The following ADARB2 variants were observed in gnomAD, a reference collection of about 807,000 sequenced individuals.
The protein encoded by ADARB2 is adenosine deaminase RNA specific B2 (inactive).
Under a neutral mutation model 62.2 loss-of-function variants are expected in ADARB2, and 25 were observed. The ratio of observed to expected loss-of-function variants is 0.40; its 90% confidence interval spans 0.29 to 0.56. The LOEUF is 0.56. ADARB2 is among the 20% of genes least tolerant of loss of function. The pLI is 0.43. For missense variants in ADARB2, 1,071 were observed against 1,077.4 expected, an observed-to-expected ratio of 0.99 and a Z score of 0.08; for synonymous variants, 572 against 500.8, an observed-to-expected ratio of 1.14 and a Z score of -1.90.
intron 1 of ADARB2, among the ~76,000 whole-genome samples, chr10:1,489,058 A>G (rs12777506): frequency 6.6e-6 from 1 of 152,256 alleles, no homozygotes; most frequent in Non-Finnish European, 1.5e-5. Context: ...CGCACCTCGG[A>G]TCAGTGAGGC....
At chr10:1,561,988 A>G (rs1588303594) in intron 1 of ADARB2, among the ~76,000 whole-genome samples, 1 of 152,016 alleles carries the variant, frequency 6.6e-6, no homozygotes, top group South Asian at 2.1e-4. Flanking sequence ...AACTGCAGTC[A>G]CCTCTGGGTG....
chr10:1,331,852 C>T (rs574897995), intron 3 of ADARB2, among the ~76,000 whole-genome samples: 7 of 152,308 alleles, frequency 4.6e-5, no homozygotes, highest in East Asian at 1.9e-4. Flanking sequence ...GACTTTAACA[C>T]ACTACACTAG....
chr10:1,346,749 C>T (rs988951569), intron 3 of ADARB2, among the ~76,000 whole-genome samples: 11 of 152,240 alleles, frequency 7.2e-5, no homozygotes, highest in Non-Finnish European at 1.2e-4. Context: ...GGAGCCAGGC[C>T]CATGTCAGGC....
At chr10:1,242,013 C>A in intron 5 of ADARB2, 118 bp downstream of exon 5, 1 of 1,124,560 alleles carries the variant, frequency 8.9e-7, no homozygotes, top group Non-Finnish European at 1.2e-6. Context: ...CTTTCTGGCT[C>A]ACCCTGTGCC....
At chr10:1,284,931 T>G (rs1158375893) in intron 3 of ADARB2, among the ~76,000 whole-genome samples, 1 of 151,944 alleles carries the variant, frequency 6.6e-6, no homozygotes, top group East Asian at 1.9e-4. Context: ...CCAGACAATA[T>G]CAGGAAGGCA....
In ADARB2 at chr10:1,623,080, C is replaced by A. The variant is rs571158024; in HGVS notation, c.100+113971G>T. ...AGCAGGAGTTGGAAGGAAGACGTGA[C>A]GTATGGCATGATTCTATTTATACAA... On this transcript the variant is annotated intron_variant, in intron 1 of 9. Transcript: ENST00000381312. 6.6e-5 allele frequency among the ~76,000 whole-genome samples: 10 copies of A among 152,208 alleles called. No individual in the cohort carries two copies. In the South Asian group the frequency reaches 1.5e-3, roughly 22 times the overall value.
chr10:1,462,499 C>T (rs148084993), intron 1 of ADARB2, among the ~76,000 whole-genome samples: 5 of 152,194 alleles, frequency 3.3e-5, no homozygotes, highest in East Asian at 1.9e-4. Context: ...CCAGTTAGGG[C>T]GTGTGCATGA....
chr10:1,670,081 G>C (rs1204689036), intron 1 of ADARB2, among the ~76,000 whole-genome samples: 3 of 152,192 alleles, frequency 2.0e-5, no homozygotes, highest in Non-Finnish European at 4.4e-5. Context: ...AAGCCTCCCA[G>C]GTTCCTAGGG....
intron 1 of ADARB2, among the ~76,000 whole-genome samples, chr10:1,414,191 G>A (rs890581111): frequency 4.6e-5 from 7 of 152,214 alleles, no homozygotes; most frequent in African/African-American, 1.7e-4. Context: ...CTTGATGGGG[G>A]GAATACAGTA....
intron 1 of ADARB2, among the ~76,000 whole-genome samples, chr10:1,608,282 C>T (rs902650910): frequency 2.0e-5 from 3 of 152,156 alleles, no homozygotes; most frequent in Non-Finnish European, 4.4e-5. Context: ...TTATGCTCAC[C>T]GGGTCCCTCA....
chr10:1,581,826 A>ATATG (rs1476058786), intron 1 of ADARB2, among the ~76,000 whole-genome samples: 88 of 148,498 alleles, frequency 5.9e-4, no homozygotes, highest in African/African-American at 5.8e-4. Flanking sequence ...TTAGAAATAG[A>ATATG]TGTGTGTGTG....
intron 3 of ADARB2, among the ~76,000 whole-genome samples, chr10:1,299,535 A>G (rs1162727765): frequency 6.6e-6 from 1 of 151,918 alleles, no homozygotes; most frequent in Non-Finnish European, 1.5e-5. Context: ...GCAAATGAGA[A>G]CTCTGCCCTG....
At chr10:1,654,883 C>T (rs1175936212) in intron 1 of ADARB2, among the ~76,000 whole-genome samples, 4 of 152,242 alleles carry the variant, frequency 2.6e-5, no homozygotes, top group Non-Finnish European at 5.9e-5. Context: ...GCATGCTGGG[C>T]CATGCCAGGC....
intron 1 of ADARB2, among the ~76,000 whole-genome samples, chr10:1,572,004 C>T (rs891481432): frequency 7.2e-6 from 1 of 138,178 alleles, no homozygotes; most frequent in Admixed American, 7.3e-5. Context: ...GGTGAGTGTG[C>T]TGCTGAGTGG....
At chr10:1,193,936 A>G (rs940595390) in intron 8 of ADARB2, among the ~76,000 whole-genome samples, 2 of 152,136 alleles carry the variant, frequency 1.3e-5, no homozygotes. Context: ...TTGGGGTACA[A>G]TGTGCTTTTC....
intron 3 of ADARB2, among the ~76,000 whole-genome samples, chr10:1,315,054 A>G (rs1388145789): frequency 6.6e-6 from 1 of 152,160 alleles, no homozygotes; most frequent in African/African-American, 2.4e-5. Context: ...AGTAGCGTAC[A>G]GTTAAGGGGT....
At chr10:1,279,289 A>C (rs1373235776) in intron 3 of ADARB2, among the ~76,000 whole-genome samples, 1 of 151,708 alleles carries the variant, frequency 6.6e-6, no homozygotes, top group African/African-American at 2.4e-5. Context: ...GAGCAGGACC[A>C]GACTCCATGG....
In ADARB2 at chr10:1,367,702, G is replaced by A. The variant is rs184345372; in HGVS notation, c.188-3785C>T. On this transcript the variant is annotated intron_variant, in intron 2 of 9. Coordinates refer to ENST00000381312, the MANE Select transcript of ADARB2 (RefSeq NM_018702.4). ...TACCAGATTGCATAGAGATTTGCCT[G>A]GTACTCTGTAATTTCTTATTGATTT... Among the ~76,000 whole-genome samples the A allele has an allele frequency of 1.6e-3, 248 of 152,298 alleles. 1 individual carries two copies. Among genetic ancestry groups the A allele is most frequent in the African/African-American group, 5.8e-3 (243 of 41,564 alleles).
At chr10:1,281,561 T>C (rs185978530) in intron 3 of ADARB2, among the ~76,000 whole-genome samples, 165 of 152,354 alleles carry the variant, frequency 1.1e-3, no homozygotes, top group African/African-American at 3.8e-3. Context: ...CCAGCCTTGG[T>C]GAAAGACAAT....
Sources: gnomAD v4.1 joint callset for allele counts (sites outside exome capture counted in the v4.1 genomes callset) on GRCh38, gnomAD v4.1.1 for gene constraint, MANE v1.5 for transcripts, NCBI Gene and HGNC (gene_info 2026-07-23, HGNC 2026-07-21) for gene names.